The following CHN2 variants were observed in gnomAD, a reference collection of about 807,000 sequenced individuals.
CHN2 encodes beta-chimaerin.
A neutral mutation model predicts 56.3 loss-of-function variants in CHN2; 35 were observed. That is an observed-to-expected ratio of 0.62 (90% CI 0.47 to 0.82). The LOEUF (loss-of-function observed/expected upper bound fraction) is 0.82. CHN2 is among the 40% of genes least tolerant of loss of function. The pLI, the probability that CHN2 is intolerant of heterozygous loss-of-function variation, is 0.00. For missense variants in CHN2, 491 were observed against 580.5 expected, an observed-to-expected ratio of 0.85 and a Z score of 1.58; for synonymous variants, 210 against 212.8, an observed-to-expected ratio of 0.99 and a Z score of 0.12.
chr7:29,443,829 G>A (rs1035345071), intron 6 of CHN2, among the ~76,000 whole-genome samples: 7 of 152,114 alleles, frequency 4.6e-5, no homozygotes, highest in African/African-American at 1.4e-4. Flanking sequence ...ATTGACTAAT[G>A]TTCCCTCCAC....
At chr7:29,442,443 C>T (rs767989576) in intron 6 of CHN2, among the ~76,000 whole-genome samples, 3 of 152,130 alleles carry the variant, frequency 2.0e-5, no homozygotes, top group Non-Finnish European at 2.9e-5. Flanking sequence ...GCTTTTATTT[C>T]GAAGGTGGAT....
chr7:29,195,649 T>TGAGAGA (rs1554358915), intron 1 of CHN2, among the ~76,000 whole-genome samples: 2 of 130,642 alleles, frequency 1.5e-5, no homozygotes, highest in African/African-American at 2.8e-5. Flanking sequence ...TGTGTGTGTG[T>TGAGAGA]GAGAGAGAGA....
intron 8 of CHN2, among the ~76,000 whole-genome samples, 157 bp from the exon 9 acceptor site, chr7:29,499,710 G>A (rs17809101): frequency 0.18 from 27,139 of 152,118 alleles, 2,553 homozygotes; most frequent in Middle Eastern, 0.22. Context: ...GATGATACTT[G>A]TATTTATCCT....
Position 29,194,796 on chromosome 7 carries a change from A to G in CHN2, c.-146A>G. ...ATCTGGTGGAGCAGGAAGTGCAGGC[A>G]GAGTCCGGAGGCTGGTGCTTTCTGC... On this transcript the variant is annotated 5_prime_UTR_variant, in exon 1 of 13. Coordinates refer to ENST00000222792, the MANE Select transcript of CHN2 (RefSeq NM_004067.4). 6.8e-6 allele frequency: 4 copies of G among 585,474 alleles called. No homozygotes were observed. Among genetic ancestry groups the G allele is most frequent in the Non-Finnish European group, 5.2e-6 (2 of 381,274 alleles). The allele number at this position is 585,474 out of a possible 1,614,324, so 36.3% of individuals were successfully genotyped here.
chr7:29,255,236 C>T (rs545018210), intron 1 of CHN2, among the ~76,000 whole-genome samples: 2 of 152,318 alleles, frequency 1.3e-5, no homozygotes, highest in South Asian at 4.1e-4. Context: ...GTCACTGTCT[C>T]AGGCACTCAG....
At chr7:29,319,446 T>C (rs2128893010) in intron 1 of CHN2, among the ~76,000 whole-genome samples, 1 of 152,292 alleles carries the variant, frequency 6.6e-6, no homozygotes, top group East Asian at 1.9e-4. Flanking sequence ...CACCTTATTT[T>C]TATACTAGCA....
intron 1 of CHN2, among the ~76,000 whole-genome samples, chr7:29,232,061 G>T (rs536160950): frequency 2.0e-5 from 3 of 152,278 alleles, no homozygotes; most frequent in South Asian, 2.1e-4. Flanking sequence ...TGTGTTAGGA[G>T]CAGAAAGGGC....
chr7:29,146,818 C>A (rs73090825), intron 1 of CHN2: 1 of 1,550,420 alleles, frequency 6.4e-7, no homozygotes. Flanking sequence ...AAATTTCAAC[C>A]CTGTATTTTG....
At position 29,177,237 on chromosome 7, in the gene CHN2, A is replaced by ATTTTG. The variant is rs10535682; in HGVS notation, c.274+30308_274+30312dup. Among the ~76,000 whole-genome samples the ATTTTG allele has an allele frequency of 1.9e-3, 282 of 146,862 alleles. 3 individuals carry two copies. The highest frequency in any genetic ancestry group is 3.2e-3 in the Non-Finnish European group (216 of 66,634). On this transcript the variant is annotated intron_variant, in intron 2 of 6. Transcript: ENST00000439384. ...TCTTTTTTCTTTCTTTTTTTGTTTTATTTTGTTTTGTTTTGTTTTGTTTTG... is the reference window on the plus strand; with the variant it reads ...TCTTTTTTCTTTCTTTTTTTGTTTTATTTTGTTTTGTTTTGTTTTGTTTTGTTTTG...
exon 1 of CHN2, chr7:29,146,617 T>C: frequency 6.4e-7 from 1 of 1,550,504 alleles, no homozygotes; most frequent in South Asian, 1.2e-5. Context: ...AAGTGCGTCG[T>C]CGTGTCCCAA....
chr7:29,377,866 A>G (rs1439775462), intron 3 of CHN2, among the ~76,000 whole-genome samples: 1 of 152,204 alleles, frequency 6.6e-6, no homozygotes, highest in Non-Finnish European at 1.5e-5. Flanking sequence ...CCTTATTTAC[A>G]TGGCCAGTGT....
chr7:29,259,940 C>T (rs7793593), intron 1 of CHN2, among the ~76,000 whole-genome samples: 39,889 of 151,896 alleles, frequency 0.26, 5,423 homozygotes, highest in African/African-American at 0.31. Flanking sequence ...CCCTAGAGGC[C>T]GGAGTGGAGG....
At chr7:29,326,930 C>T (rs1795845764) in intron 1 of CHN2, among the ~76,000 whole-genome samples, 1 of 152,166 alleles carries the variant, frequency 6.6e-6, no homozygotes, top group Non-Finnish European at 1.5e-5. Context: ...TTAAATTAAT[C>T]CTATAGGATA....
rs769900225 is a variant in CHN2, at chr7:29,504,760, C to T, written c.930C>T (p.Gly310=). 4 of 1,610,884 alleles carry T rather than the reference C, an allele frequency of 2.5e-6. No homozygotes were observed. The highest frequency in any genetic ancestry group is 3.4e-6 in the Non-Finnish European group (4 of 1,178,584). Residue 310 remains glycine, a synonymous_variant, in exon 10 of 13, where the codon GGC becomes GGT. Transcript: ENST00000222792. ...EIEARGLKSE[G]LYRVSGFTEH... is the part of the protein sequence containing the mutation. ...CTCTAACAGGATTAAAATCGGAAGG[C>T]CTTTACAGAGTCTCTGGGTTCACTG...
At chr7:29,219,436 A>G (rs1785602245) in intron 1 of CHN2, among the ~76,000 whole-genome samples, 1 of 152,208 alleles carries the variant, frequency 6.6e-6, no homozygotes, top group African/African-American at 2.4e-5. Context: ...ATACAGGAAC[A>G]AAGAATAGGT....
intron 6 of CHN2, among the ~76,000 whole-genome samples, chr7:29,430,758 TG>T (rs1292669611): frequency 7.2e-6 from 1 of 139,036 alleles, no homozygotes; most frequent in Non-Finnish European, 1.5e-5. Flanking sequence ...CACGTGACAA[TG>T]TCCTAAGCAG....
At chr7:29,343,461 A>G (rs917310347) in intron 1 of CHN2, among the ~76,000 whole-genome samples, 3 of 151,646 alleles carry the variant, frequency 2.0e-5, no homozygotes, top group African/African-American at 4.9e-5. Flanking sequence ...TACAAGCTCT[A>G]TTTTCTCAAT....
At chr7:29,500,900 C>G (rs1335351680) in intron 9 of CHN2, among the ~76,000 whole-genome samples, 1 of 152,130 alleles carries the variant, frequency 6.6e-6, no homozygotes, top group Non-Finnish European at 1.5e-5. Context: ...ACATGAGTCA[C>G]TTTTCCTTTA....
At chr7:29,346,416 G>C (rs952322210) in intron 1 of CHN2, among the ~76,000 whole-genome samples, 3 of 152,154 alleles carry the variant, frequency 2.0e-5, no homozygotes, top group Admixed American at 2.0e-4. Context: ...CTCATCGTGA[G>C]GCTGTTCCAT....
Sources: gnomAD v4.1 joint callset for allele counts (sites outside exome capture counted in the v4.1 genomes callset) on GRCh38, gnomAD v4.1.1 for gene constraint, MANE v1.5 for transcripts, NCBI Gene and HGNC (gene_info 2026-07-23, HGNC 2026-07-21) for gene names.